Variants in SIPA1L1 observed in about 807,000 individuals in gnomAD.
The protein encoded by SIPA1L1 is signal-induced proliferation-associated 1-like protein 1.
SIPA1L1 carries 26 observed loss-of-function variants against 162.7 expected under a neutral mutation model. The observed-to-expected ratio is 0.16, with a 90% CI of 0.12 to 0.22. The LOEUF (loss-of-function observed/expected upper bound fraction) is 0.22. Ranked by LOEUF, SIPA1L1 falls within the 10% of genes least tolerant of loss-of-function variation. SIPA1L1 has a pLI of 1.00. For missense variants in SIPA1L1, 1,874 were observed against 2,241.0 expected, an observed-to-expected ratio of 0.84 and a Z score of 3.31; for synonymous variants, 829 against 837.4, an observed-to-expected ratio of 0.99 and a Z score of 0.17.
intron 7 of SIPA1L1, among the ~76,000 whole-genome samples, chr14:71,631,073 A>T (rs1168655347): frequency 6.6e-6 from 1 of 151,806 alleles, no homozygotes; most frequent in African/African-American, 2.4e-5. Flanking sequence ...CCTTGTGTCC[A>T]TGTGTTCTCA....
In SIPA1L1 at chr14:71,589,208, T is replaced by A; in HGVS notation, c.1336T>A (p.Ser446Thr). 1 of 1,614,090 alleles carries A rather than the reference T, an allele frequency of 6.2e-7. No individual in the cohort carries two copies. Among genetic ancestry groups the A allele is most frequent in the Middle Eastern group, 1.6e-4 (1 of 6,062 alleles). The change falls in exon 5 of 24, where the codon TCC (serine) becomes ACC (threonine). Residue 446 changes from serine (S) to threonine (T), a missense_variant. Ser to Thr is a moderately conservative substitution (Grantham distance 58). Coordinates refer to ENST00000381232, the MANE Select transcript of SIPA1L1 (RefSeq NM_001386936.1). Reference protein sequence around the residue: ...SGSFSGCESASFESTLSSHCT... With the variant: ...SGSFSGCESATFESTLSSHCT... ...CTCCTTTAGTGGATGTGAAAGTGCC[T>A]CCTTTGAGTCTACCCTTAGTTCCCA...
chr14:71,386,833 A>G (rs1285125216), intron 2 of SIPA1L1, among the ~76,000 whole-genome samples: 1 of 152,242 alleles, frequency 6.6e-6, no homozygotes, highest in East Asian at 1.9e-4. Context: ...GAGGCTGTGT[A>G]AGGTTTAACC....
At chr14:71,707,091 T>A (rs1404729762) in intron 16 of SIPA1L1, among the ~76,000 whole-genome samples, 2 of 149,218 alleles carry the variant, frequency 1.3e-5, no homozygotes, top group African/African-American at 5.0e-5. Context: ...CCTTAGCCAA[T>A]GAAGAGCCTG....
intron 4 of SIPA1L1, among the ~76,000 whole-genome samples, chr14:71,542,828 C>T (rs1240148541): frequency 6.6e-6 from 1 of 150,718 alleles, no homozygotes; most frequent in Non-Finnish European, 1.5e-5. Flanking sequence ...AGCAATCCTC[C>T]TTCCTGCCTT....
chr14:71,494,202 C>G (rs2049526733), intron 2 of SIPA1L1, among the ~76,000 whole-genome samples: 2 of 152,110 alleles, frequency 1.3e-5, no homozygotes, highest in African/African-American at 4.8e-5. Context: ...TTGTTTTGTT[C>G]CTGATGTTAG....
chr14:71,379,420 C>G (rs2039697086), intron 2 of SIPA1L1: 1 of 152,044 alleles, frequency 6.6e-6, no homozygotes, highest in African/African-American at 2.4e-5. Flanking sequence ...CTTCCCACCT[C>G]ACCCTCCCAA....
chr14:71,571,220 C>A, intron 4 of SIPA1L1, among the ~76,000 whole-genome samples: 1 of 151,674 alleles, frequency 6.6e-6, no homozygotes, highest in African/African-American at 2.4e-5. Flanking sequence ...TCTCAAATAC[C>A]TAAGAGAAAA....
At chr14:71,461,140 G>A (rs2046571541) in intron 2 of SIPA1L1, among the ~76,000 whole-genome samples, 1 of 152,214 alleles carries the variant, frequency 6.6e-6, no homozygotes, top group African/African-American at 2.4e-5. Flanking sequence ...TCTGGAGTAA[G>A]TGTCTATTCC....
rs2034962300 is a variant in SIPA1L1, at chr14:71,589,270, C to T, written c.1398C>T (p.Pro466=). ...TNAGVAVLEV[P]KENLVLHLDR... ...CAGGAGTGGCAGTACTTGAAGTGCC[C>T]AAGGAGAACTTGGTGTTGCACCTAG... is the stretch of plus-strand genomic sequence containing the variant. Residue 466 remains proline (P), a synonymous_variant, in exon 5 of 24, where the codon CCC becomes CCT. Transcript: ENST00000381232. The T allele has an allele frequency of 6.2e-7, 1 of 1,613,834 alleles. No homozygotes were observed. Among genetic ancestry groups the T allele is most frequent in the Non-Finnish European group, 8.5e-7 (1 of 1,179,832 alleles).
chr14:71,685,762 T>C, intron 13 of SIPA1L1, 131 bp downstream of exon 13: 1 of 1,169,850 alleles, frequency 8.5e-7, no homozygotes, highest in Non-Finnish European at 1.2e-6. Flanking sequence ...GTGCATACCG[T>C]AGTGACTTTC....
chr14:71,493,449 T>A (rs1359421878), intron 2 of SIPA1L1, among the ~76,000 whole-genome samples: 1 of 152,206 alleles, frequency 6.6e-6, no homozygotes, highest in Non-Finnish European at 1.5e-5. Context: ...TACTGCTATG[T>A]TTGTGAACAA....
intron 7 of SIPA1L1, among the ~76,000 whole-genome samples, chr14:71,645,349 C>T (rs888387631): frequency 6.6e-5 from 10 of 152,112 alleles, no homozygotes; most frequent in Non-Finnish European, 1.2e-4. Flanking sequence ...ATTAACATTA[C>T]GTATTCACAG....
chr14:71,356,585 A>AAAAAAAAAAAAAAAAAAAAAAC (rs1316274254), intron 2 of SIPA1L1, among the ~76,000 whole-genome samples: 3 of 147,018 alleles, frequency 2.0e-5, no homozygotes, highest in Non-Finnish European at 4.5e-5. Flanking sequence ...AAAAAAAAAA[A>AAAAAAAAAAAAAAAAAAAAAAC]AAGCACACCT....
intron 17 of SIPA1L1, among the ~76,000 whole-genome samples, chr14:71,719,176 TA>T (rs2083495813): frequency 6.6e-6 from 1 of 152,206 alleles, no homozygotes; most frequent in African/African-American, 2.4e-5. Flanking sequence ...TGAGCTCAAG[TA>T]ATCTGCCCGT....
At chr14:71,416,175 T>C (rs904282309) in intron 2 of SIPA1L1, 3 of 152,124 alleles carry the variant, frequency 2.0e-5, no homozygotes, top group African/African-American at 7.2e-5. Flanking sequence ...TCTATAGTTT[T>C]ATTAACACAG....
chr14:71,358,809 G>A (rs754932757), intron 2 of SIPA1L1, among the ~76,000 whole-genome samples: 169 of 152,288 alleles, frequency 1.1e-3, no homozygotes, highest in Non-Finnish European at 2.0e-3. Context: ...CGTCTTGCAT[G>A]GCTGGAGCAG....
At chr14:71,490,419 A>G (rs1012729311) in intron 2 of SIPA1L1, among the ~76,000 whole-genome samples, 1 of 152,198 alleles carries the variant, frequency 6.6e-6, no homozygotes, top group African/African-American at 2.4e-5. Context: ...TCTTTTTGGT[A>G]CTTTTCAGCA....
intron 2 of SIPA1L1, among the ~76,000 whole-genome samples, chr14:71,344,796 G>A (rs1302041477): frequency 1.1e-4 from 17 of 152,102 alleles, no homozygotes; most frequent in Non-Finnish European, 1.2e-4. Flanking sequence ...CAACTGCTGA[G>A]CTCAAGTGAT....
intron 2 of SIPA1L1, among the ~76,000 whole-genome samples, chr14:71,462,293 C>T (rs1006722020): frequency 6.6e-5 from 10 of 152,182 alleles, no homozygotes; most frequent in African/African-American, 2.4e-4. Flanking sequence ...TGGGGGCCTG[C>T]TGAGGGCTCC....
Sources: gnomAD v4.1 joint callset for allele counts (sites outside exome capture counted in the v4.1 genomes callset) on GRCh38, gnomAD v4.1.1 for gene constraint, MANE v1.5 for transcripts, NCBI Gene and HGNC (gene_info 2026-07-23, HGNC 2026-07-21) for gene names.